MAP4K4: variants seen among roughly 807,000 people sequenced by gnomAD.
MAP4K4 encodes HPK/GCK-like kinase HGK.
Under a neutral mutation model 189.6 loss-of-function variants are expected in MAP4K4, and 38 were observed. That is an observed-to-expected ratio of 0.20 (90% confidence interval 0.15 to 0.26). MAP4K4 has a LOEUF of 0.26. MAP4K4 is among the 10% of genes least tolerant of loss of function. The probability of loss-of-function intolerance (pLI) is 1.00; values close to 1 mark genes in which losing one functional copy is unlikely to be tolerated. For synonymous variants in MAP4K4, 610 were observed against 624.3 expected (o/e 0.98, Z 0.34); for missense variants, 1,054 against 1,726.9 (o/e 0.61, Z 6.91).
chr2:101,878,269 CA>C (rs1416683298), intron 27 of MAP4K4, among the ~76,000 whole-genome samples: 1 of 152,120 alleles, frequency 6.6e-6, no homozygotes, highest in Non-Finnish European at 1.5e-5. Context: ...ATATTTCAAA[CA>C]TAGGATAATG....
intron 16 of MAP4K4, chr2:101,861,939 A>G (rs2097670904): frequency 6.6e-6 from 1 of 151,788 alleles, no homozygotes; most frequent in African/African-American, 2.4e-5. Flanking sequence ...GGAGTTAAAA[A>G]AAAAAAAAAA....
intron 2 of MAP4K4, among the ~76,000 whole-genome samples, chr2:101,770,667 CAT>C (rs2080965630): frequency 6.6e-6 from 1 of 152,220 alleles, no homozygotes; most frequent in Admixed American, 6.5e-5. Context: ...TTGTCTTCCA[CAT>C]AGCCTCATTT....
intron 8 of MAP4K4, among the ~76,000 whole-genome samples, chr2:101,835,516 G>A (rs2096724978): frequency 6.6e-6 from 1 of 152,072 alleles, no homozygotes; most frequent in African/African-American, 2.4e-5. Context: ...TCTGTTCCAG[G>A]CATTGTATGA....
exon 4 of MAP4K4, chr2:101,823,943 A>G: frequency 1.2e-6 from 2 of 1,603,834 alleles, no homozygotes; most frequent in Non-Finnish European, 1.7e-6. Flanking sequence ...AGAGGAAGAA[A>G]TCAAACTGGA....
intron 19 of MAP4K4, 148 bp from the exon 20 acceptor site, chr2:101,867,064 C>T (rs2097840170): frequency 3.3e-6 from 2 of 603,168 alleles, no homozygotes; most frequent in East Asian, 2.8e-5. Flanking sequence ...CCTCCTTGGG[C>T]CCCCTCTGCT....
At chr2:101,785,585 A>C (rs900506520) in intron 2 of MAP4K4, among the ~76,000 whole-genome samples, 2 of 152,224 alleles carry the variant, frequency 1.3e-5, no homozygotes, top group African/African-American at 4.8e-5. Flanking sequence ...GTTTAGGTAA[A>C]GATTATGCAG....
intron 2 of MAP4K4, among the ~76,000 whole-genome samples, chr2:101,702,162 G>A (rs577101073): frequency 6.6e-5 from 10 of 152,238 alleles, no homozygotes; most frequent in Admixed American, 6.5e-5. Flanking sequence ...ACTGCACCCG[G>A]CCTTATTGTT....
At position 101,834,397 on chromosome 2, in the gene MAP4K4, T is replaced by A; in HGVS notation, c.640-12T>A. The A allele has an allele frequency of 6.3e-7, 1 of 1,599,108 alleles. No individual in the cohort carries two copies. The highest frequency in any genetic ancestry group is 1.1e-5 in the South Asian group (1 of 88,696). On this transcript the variant is annotated splice_polypyrimidine_tract_variant and intron_variant, in intron 7 of 32. Transcript: ENST00000324219. The stretch of plus-strand genomic sequence containing the variant: ...ACTCCAGTATCTGTAACGTACTGTT[T>A]TATTTTTGCAGAGTGATCTTTGGTC...
At chr2:101,871,427 T>C in intron 23 of MAP4K4, 67 bp from the exon 24 acceptor site, 1 of 1,305,066 alleles carries the variant, frequency 7.7e-7, no homozygotes, top group Non-Finnish European at 1.0e-6. Flanking sequence ...TTAAAGCAGT[T>C]ATCAATAGGG....
At chr2:101,860,955 A>G (rs745347561) in exon 16 of MAP4K4, 23 of 1,602,750 alleles carry the variant, frequency 1.4e-5, no homozygotes, top group Non-Finnish European at 1.9e-5. Flanking sequence ...GAGTCTGTGC[A>G]TCCCGCCCTG....
At chr2:101,800,121 T>TA (rs11377244) in intron 3 of MAP4K4, among the ~76,000 whole-genome samples, 70,302 of 144,790 alleles carry the variant, frequency 0.49, 18,095 homozygotes, top group African/African-American at 0.7. Flanking sequence ...TTCTTCTCCT[T>TA]AAAAAAAAAA....
At chr2:101,814,019 G>T (rs1219468526) in intron 3 of MAP4K4, among the ~76,000 whole-genome samples, 1 of 152,144 alleles carries the variant, frequency 6.6e-6, no homozygotes, top group East Asian at 1.9e-4. Flanking sequence ...TCCTAGTTAG[G>T]ATTGAAAAGT....
At chr2:101,876,912 T>C (rs1351653882) in intron 26 of MAP4K4, 91 bp from the exon 27 acceptor site, 1 of 1,340,256 alleles carries the variant, frequency 7.5e-7, no homozygotes, top group Non-Finnish European at 1.0e-6. Context: ...GCTACACTTT[T>C]TTCCAAATAG....
chr2:101,739,096 A>C (rs2061594566), intron 2 of MAP4K4, among the ~76,000 whole-genome samples: 1 of 152,170 alleles, frequency 6.6e-6, no homozygotes, highest in Non-Finnish European at 1.5e-5. Flanking sequence ...TCTGTGACTT[A>C]CGAATAGTAC....
At chr2:101,783,781 T>C (rs1172029612) in intron 2 of MAP4K4, among the ~76,000 whole-genome samples, 1 of 152,212 alleles carries the variant, frequency 6.6e-6, no homozygotes, top group Non-Finnish European at 1.5e-5. Context: ...GTCTTCTCTC[T>C]TCTGTTGCAG....
At position 101,797,174 on chromosome 2, in the gene MAP4K4, T is replaced by A. The variant is rs553401631; in HGVS notation, c.180+6398T>A. ...ATGAATGTGTTGTTCTTGTCTAGAC[T>A]GAAAATAAGAACAAAAGGAAGGGAA... On this transcript the variant is annotated intron_variant, in intron 3 of 32. Transcript: ENST00000324219. The A allele has an allele frequency of 2.1e-5, 26 of 1,231,750 alleles. No individual in the cohort carries two copies. In the Admixed American group the frequency reaches 3.2e-4, roughly 15 times the overall value. The allele number at this position is 1,231,750 out of a possible 1,614,324, so 76.3% of individuals were successfully genotyped here. A position where few individuals can be genotyped will look rare whatever the true frequency, so the allele number is the denominator to read the frequency against.
At chr2:101,837,371 C>T (rs1162596475) in intron 9 of MAP4K4, among the ~76,000 whole-genome samples, 1 of 151,986 alleles carries the variant, frequency 6.6e-6, no homozygotes, top group Non-Finnish European at 1.5e-5. Context: ...ACTGTCCTTG[C>T]CCCCAACACA....
At chr2:101,701,418 G>A (rs1443227067) in intron 2 of MAP4K4, among the ~76,000 whole-genome samples, 1 of 152,146 alleles carries the variant, frequency 6.6e-6, no homozygotes, top group Non-Finnish European at 1.5e-5. Flanking sequence ...GAAAGGTTAG[G>A]GAGTAGTGGG....
At chr2:101,718,603 T>TGGGGGGGGG (rs1331634336) in intron 2 of MAP4K4, among the ~76,000 whole-genome samples, 1 of 2,892 alleles carries the variant, frequency 3.5e-4, no homozygotes, top group African/African-American at 1.3e-3. Context: ...GGGTGGGGGA[T>TGGGGGGGGG]GGGGGGTGGG....
Sources: allele counts gnomAD v4.1 joint callset (sites outside exome capture counted in the v4.1 genomes callset), GRCh38; gene constraint gnomAD v4.1.1; transcripts MANE v1.5; gene names NCBI Gene and HGNC (gene_info 2026-07-23, HGNC 2026-07-21).